The following SORBS2 variants were observed in gnomAD, a reference collection of about 807,000 sequenced individuals.
SORBS2 encodes sorbin and SH3 domain-containing protein 2.
In SORBS2, 46 loss-of-function variants were observed where a neutral mutation model predicts 97.7. The observed-to-expected ratio is 0.47, with a 90% CI of 0.37 to 0.60. The LOEUF (loss-of-function observed/expected upper bound fraction) is 0.60. Among genes scored for constraint, SORBS2 ranks in the 20% least tolerant of loss-of-function variants. SORBS2 has a pLI of 0.00. For missense variants in SORBS2, 1,316 were observed against 1,282.3 expected, an observed-to-expected ratio of 1.03 and a Z score of -0.40; for synonymous variants, 476 against 473.4, an observed-to-expected ratio of 1.01 and a Z score of -0.07.
At chr4:185,601,678 T>C (rs1337673491) in intron 12 of SORBS2, among the ~76,000 whole-genome samples, 1 of 151,662 alleles carries the variant, frequency 6.6e-6, no homozygotes, top group Non-Finnish European at 1.5e-5. Context: ...TCAATGCATA[T>C]CAGAGCTCTT....
intron 2 of SORBS2, among the ~76,000 whole-genome samples, chr4:185,751,231 T>G (rs531098869): frequency 2.3e-5 from 3 of 132,572 alleles, no homozygotes; most frequent in African/African-American, 8.5e-5. Flanking sequence ...CAGGTAGGAT[T>G]GAGGTAAAGG....
At chr4:185,943,972 ATCATTC>A (rs2099273331) in intron 1 of SORBS2, among the ~76,000 whole-genome samples, 1 of 152,200 alleles carries the variant, frequency 6.6e-6, no homozygotes, top group African/African-American at 2.4e-5. Context: ...TATTCTTTCA[ATCATTC>A]TGTTTGTTTA....
intron 1 of SORBS2, among the ~76,000 whole-genome samples, chr4:185,801,893 T>C (rs894470717): frequency 7.9e-5 from 12 of 152,192 alleles, no homozygotes; most frequent in African/African-American, 2.9e-4. Context: ...GTGATGATAG[T>C]GCATACCTCC....
chr4:185,677,362 C>A, intron 4 of SORBS2: 9 of 1,552,300 alleles, frequency 5.8e-6, no homozygotes, highest in Non-Finnish European at 7.8e-6. Context: ...TTGATGTTAG[C>A]GAATGGTGCA....
At chr4:185,725,271 C>T (rs1440427244) in intron 2 of SORBS2, among the ~76,000 whole-genome samples, 1 of 152,146 alleles carries the variant, frequency 6.6e-6, no homozygotes, top group Non-Finnish European at 1.5e-5. Flanking sequence ...GCAAAAAGCG[C>T]CAGGCTGCAG....
chr4:185,807,324 T>C (rs1236758938), intron 1 of SORBS2, among the ~76,000 whole-genome samples: 1 of 152,152 alleles, frequency 6.6e-6, no homozygotes, highest in African/African-American at 2.4e-5. Flanking sequence ...GTAAGACCCT[T>C]GATTGGATTC....
At chr4:185,683,041 A>G (rs1297475305) in intron 2 of SORBS2, among the ~76,000 whole-genome samples, 1 of 151,680 alleles carries the variant, frequency 6.6e-6, no homozygotes, top group East Asian at 1.9e-4. Context: ...AAAAGAAAAG[A>G]AAAAGAAAAA....
chr4:185,659,668 G>A (rs2097483128), upstream of SORBS2, among the ~76,000 whole-genome samples: 1 of 151,772 alleles, frequency 6.6e-6, no homozygotes, highest in Non-Finnish European at 1.5e-5. Context: ...TGATCCACCC[G>A]CCTCGGCCTT....
At chr4:185,614,159 G>GTTTTTTTTTTTTTTTTTT (rs34929054) in intron 11 of SORBS2, among the ~76,000 whole-genome samples, 7 of 91,610 alleles carry the variant, frequency 7.6e-5, no homozygotes, top group Non-Finnish European at 1.2e-4. Context: ...GTTTTTTTGT[G>GTTTTTTTTTTTTTTTTTT]TTTTTTTTTT....
At chr4:185,661,437 ACGTC>A (rs2097519627), upstream of SORBS2, among the ~76,000 whole-genome samples, 1 of 152,188 alleles carries the variant, frequency 6.6e-6, no homozygotes, top group Admixed American at 6.5e-5. Flanking sequence ...TTTTTTATGA[ACGTC>A]CGTATGTCCA....
chr4:185,657,741 A>T, upstream of SORBS2: 1 of 749,792 alleles, frequency 1.3e-6, no homozygotes, highest in South Asian at 1.9e-5. Flanking sequence ...TTTCCATCTG[A>T]GCTGGTGGAA....
chr4:185,666,265 T>C, intron 4 of SORBS2: 2 of 907,680 alleles, frequency 2.2e-6, no homozygotes, highest in Non-Finnish European at 3.1e-6. Context: ...AGTACCTCTT[T>C]TTGCGATGTG....
chr4:185,828,460 A>G (rs1168296528), intron 1 of SORBS2, among the ~76,000 whole-genome samples: 1 of 152,056 alleles, frequency 6.6e-6, no homozygotes, highest in Non-Finnish European at 1.5e-5. Flanking sequence ...ATCCACTAAA[A>G]TCATCATTAT....
intron 2 of SORBS2, among the ~76,000 whole-genome samples, chr4:185,763,161 CCTGGGTGA>C (rs2098912908): frequency 6.6e-6 from 1 of 152,010 alleles, no homozygotes; most frequent in African/African-American, 2.4e-5. Flanking sequence ...TGCACTCCAG[CCTGGGTGA>C]CAGAGAGAGA....
intron 1 of SORBS2, among the ~76,000 whole-genome samples, chr4:185,943,457 A>C (rs1338245399): frequency 6.6e-6 from 1 of 152,242 alleles, no homozygotes; most frequent in Admixed American, 6.5e-5. Flanking sequence ...AAAAACATAC[A>C]AATGGTACCT....
chr4:185,637,260 A>T (rs1273519231), intron 4 of SORBS2, among the ~76,000 whole-genome samples: 1 of 152,228 alleles, frequency 6.6e-6, no homozygotes, highest in Non-Finnish European at 1.5e-5. Context: ...AATACCTACC[A>T]TTGCATTACA....
rs1178315346 is a variant in SORBS2, at chr4:185,806,434, CTATTTTTTTTTTTTTTT to C, written c.-337-31085_-337-31069del. Among the ~76,000 whole-genome samples, 162 of 108,144 alleles carry C rather than the reference CTATTTTTTTTTTTTTTT, an allele frequency of 1.5e-3. 26 individuals are homozygous for C. The highest frequency in any genetic ancestry group is 4.9e-3 in the African/African-American group (133 of 27,290). 70.9% of individuals were successfully genotyped at this position (108,144 alleles called of 152,430 possible). A position where few individuals can be genotyped will look rare whatever the true frequency, so the allele number is the denominator to read the frequency against. On this transcript the variant is annotated intron_variant, in intron 1 of 20. Coordinates refer to the SORBS2 transcript ENST00000284776. ...AGTGGCACAGCTCTTGGCTAGAATC[CTATTTTTTTTTTTTTTT>C]TTTTTTTTTTTTTTTTTTTTTTTTG... is the stretch of plus-strand genomic sequence containing the variant.
chr4:185,888,081 T>TATTA (rs56214446), intron 1 of SORBS2, among the ~76,000 whole-genome samples: 1 of 151,636 alleles, frequency 6.6e-6, no homozygotes, highest in East Asian at 1.9e-4. Flanking sequence ...TTATTATTAT[T>TATTA]TTGCTTTCTG....
intron 2 of SORBS2, among the ~76,000 whole-genome samples, chr4:185,730,984 T>C (rs2098617648): frequency 6.6e-6 from 1 of 152,234 alleles, no homozygotes; most frequent in Non-Finnish European, 1.5e-5. Flanking sequence ...ATGGACACCA[T>C]TCAACAGAAT....
Sources: allele counts gnomAD v4.1 joint callset (sites outside exome capture counted in the v4.1 genomes callset), GRCh38; gene constraint gnomAD v4.1.1; transcripts MANE v1.5; gene names NCBI Gene and HGNC (gene_info 2026-07-23, HGNC 2026-07-21).